Variants in SHROOM2 observed in about 807,000 individuals in gnomAD.
SHROOM2 encodes protein Shroom2.
SHROOM2 carries 33 observed loss-of-function variants against 75.9 expected under a neutral mutation model. That is an observed-to-expected ratio of 0.43 (90% CI 0.33 to 0.58). The LOEUF (loss-of-function observed/expected upper bound fraction) is 0.58, where lower values mean the gene tolerates loss of function less well. Among genes scored for constraint, SHROOM2 ranks in the 20% least tolerant of loss-of-function variants. The pLI is 0.04. For synonymous variants in SHROOM2, 655 were observed against 663.6 expected, an observed-to-expected ratio of 0.99 and a Z score of 0.20; for missense variants, 1,434 against 1,461.2, an observed-to-expected ratio of 0.98 and a Z score of 0.30.
At chrX:9,937,038 T>C in intron 6 of SHROOM2, 96 bp from the exon 7 acceptor site, 1 of 913,761 alleles carries the variant, frequency 1.1e-6, no homozygotes, top group Non-Finnish European at 1.5e-6. Context: ...TGCCTTTGAG[T>C]CAGGTTCCCA....
intron 2 of SHROOM2, among the ~76,000 whole-genome samples, chrX:9,886,309 C>G (rs1364252773): frequency 8.9e-6 from 1 of 112,459 alleles, no homozygotes; most frequent in Non-Finnish European, 1.9e-5. Flanking sequence ...CCTGTTCGGA[C>G]TGTCCTATCT....
At chrX:9,914,867 G>A (rs1012335079) in intron 5 of SHROOM2, among the ~76,000 whole-genome samples, 2 of 111,961 alleles carry the variant, frequency 1.8e-5, no homozygotes, top group African/African-American at 6.5e-5. Context: ...GGTCCTCCAG[G>A]TAAGGCTGAA....
chrX:9,831,430 G>A lies in SHROOM2; in HGVS notation c.166-42222G>A, dbSNP rs528403790. ...TCCCAGCACTTTGGGAGGCTGAGGT[G>A]GGCGGATCACCTGAGGTCAGGAGTT... On this transcript the variant is annotated intron_variant, in intron 1 of 9. Coordinates refer to ENST00000380913, the MANE Select transcript of SHROOM2 (RefSeq NM_001649.4). Among the ~76,000 whole-genome samples, 25 of 111,709 alleles carry A rather than the reference G, an allele frequency of 2.2e-4. No homozygotes were observed. The South Asian group carries it at 8.7e-3, about 39-fold the overall frequency.
At chrX:9,802,968 A>G (rs112143634) in intron 1 of SHROOM2, among the ~76,000 whole-genome samples, 2,139 of 101,466 alleles carry the variant, frequency 0.021, 66 homozygotes, top group African/African-American at 0.077. Context: ...TTGCTGTGTC[A>G]CCCAGGCTGG....
intron 5 of SHROOM2, among the ~76,000 whole-genome samples, chrX:9,930,385 C>T (rs1351303274): frequency 9.1e-6 from 1 of 109,369 alleles, no homozygotes; most frequent in Non-Finnish European, 1.9e-5. Context: ...TGTGGTGGTG[C>T]ACACCTGTGG....
At chrX:9,898,340 C>T (rs1253192453) in intron 5 of SHROOM2, 50 bp downstream of exon 5, 1 of 947,519 alleles carries the variant, frequency 1.1e-6, no homozygotes, top group Non-Finnish European at 1.5e-6. Flanking sequence ...TGAGGGTGGG[C>T]TTCTGTACGA....
chrX:9,913,110 G>C (rs985194601), intron 5 of SHROOM2: 2 of 112,474 alleles, frequency 1.8e-5, no homozygotes, highest in African/African-American at 6.5e-5. Context: ...GAGCTGGCTG[G>C]AGGACGCCAG....
At chrX:9,824,961 G>C (rs2083880701) in intron 1 of SHROOM2, among the ~76,000 whole-genome samples, 1 of 111,627 alleles carries the variant, frequency 9.0e-6, no homozygotes, top group Non-Finnish European at 1.9e-5. Context: ...TCGGGATTGT[G>C]GAGGGGGTGG....
intron 1 of SHROOM2, among the ~76,000 whole-genome samples, chrX:9,848,527 A>AAAAAAAAAAAAAAG (rs2084020072): frequency 9.8e-6 from 1 of 101,762 alleles, no homozygotes; most frequent in Non-Finnish European, 2.0e-5. Context: ...AAAAAAAAAA[A>AAAAAAAAAAAAAAG]AAAAGAAAAG....
Position 9,894,323 on chromosome X carries a change from C to T in SHROOM2, c.450-35C>T, listed in dbSNP as rs756581571. The T allele has an allele frequency of 2.6e-6, 3 of 1,176,022 alleles. No individual in the cohort carries two copies. The East Asian group carries it at 8.9e-5, about 35-fold the overall frequency. ...CCCTTTGCCATTGCTGTTGCTAAAG[C>T]ACACCATGCCTTGTCCTTCTTCTCA... On this transcript the variant is annotated intron_variant, in intron 3 of 9. Transcript: ENST00000380913.
chrX:9,940,831 A>G (rs1022479254), intron 8 of SHROOM2, among the ~76,000 whole-genome samples: 3 of 111,506 alleles, frequency 2.7e-5, no homozygotes, highest in Non-Finnish European at 5.6e-5. Flanking sequence ...GGCTTCCAAC[A>G]TTCCCAGGGC....
chrX:9,912,995 T>G (rs376623361), intron 5 of SHROOM2: 66 of 112,335 alleles, frequency 5.9e-4, no homozygotes, highest in African/African-American at 2.0e-3. Flanking sequence ...TAACACCGTG[T>G]TCTAGGCTGG....
At chrX:9,873,979 A>G (rs2084185147) in intron 2 of SHROOM2, among the ~76,000 whole-genome samples, 176 bp downstream of exon 2, 1 of 111,879 alleles carries the variant, frequency 8.9e-6, no homozygotes, top group Non-Finnish European at 1.9e-5. Context: ...AACGGTTCCT[A>G]ATTTTATTAC....
chrX:9,913,429 G>A (rs1365762120), intron 5 of SHROOM2, among the ~76,000 whole-genome samples: 1 of 112,299 alleles, frequency 8.9e-6, no homozygotes, highest in Non-Finnish European at 1.9e-5. Flanking sequence ...GACAGTTTAA[G>A]GGTTTTACTA....
chrX:9,830,796 G>T (rs2083912585), intron 1 of SHROOM2, among the ~76,000 whole-genome samples: 1 of 109,307 alleles, frequency 9.1e-6, no homozygotes, highest in South Asian at 4.0e-4. Flanking sequence ...TAGAGACAGG[G>T]TTTCTCCATG....
chrX:9,787,019 C>T (rs887744796), intron 1 of SHROOM2, among the ~76,000 whole-genome samples: 5 of 111,856 alleles, frequency 4.5e-5, no homozygotes, highest in African/African-American at 1.6e-4. Context: ...CCTGCACCTG[C>T]GGGGCTGCCT....
intron 5 of SHROOM2, among the ~76,000 whole-genome samples, chrX:9,906,364 A>G (rs781508535): frequency 3.7e-4 from 42 of 112,034 alleles, no homozygotes; most frequent in African/African-American, 1.3e-3. Flanking sequence ...GATAGTGGTG[A>G]TGGTGACTGC....
intron 8 of SHROOM2, among the ~76,000 whole-genome samples, chrX:9,941,762 C>G (rs112837945): frequency 0.047 from 5,137 of 108,333 alleles, 169 homozygotes; most frequent in Middle Eastern, 0.082. Flanking sequence ...ACGAGGTCAG[C>G]AGATCGAGGC....
At chrX:9,868,576 C>T (rs1159179432) in intron 1 of SHROOM2, among the ~76,000 whole-genome samples, 2 of 109,603 alleles carry the variant, frequency 1.8e-5, no homozygotes, top group African/African-American at 6.6e-5. Flanking sequence ...CAGGGTCTCG[C>T]TCTGTCACCC....
Sources: allele counts gnomAD v4.1 joint callset (sites outside exome capture counted in the v4.1 genomes callset), GRCh38; gene constraint gnomAD v4.1.1; transcripts MANE v1.5; gene names NCBI Gene and HGNC (gene_info 2026-07-23, HGNC 2026-07-21).